Variants in FUT8 observed in about 807,000 individuals in gnomAD.
The protein encoded by FUT8 is fucosyltransferase 8.
A neutral mutation model predicts 71.3 loss-of-function variants in FUT8; 29 were observed. The observed-to-expected ratio is 0.41, with a 90% confidence interval of 0.30 to 0.55. FUT8 has a LOEUF of 0.55. Ranked by LOEUF, FUT8 falls within the 20% of genes least tolerant of loss-of-function variation. The probability of loss-of-function intolerance (pLI) is 0.34; values close to 1 mark genes in which losing one functional copy is unlikely to be tolerated. For missense variants in FUT8, 544 were observed against 702.1 expected (o/e 0.77, Z 2.55); for synonymous variants, 254 against 239.3 (o/e 1.06, Z -0.57).
At chr14:65,639,418 A>G (rs1890724669) in intron 6 of FUT8, among the ~76,000 whole-genome samples, 1 of 152,084 alleles carries the variant, frequency 6.6e-6, no homozygotes, top group South Asian at 2.1e-4. Context: ...TGCTGGTGAT[A>G]TAGTCATAAA....
chr14:65,417,213 C>A (rs1054230374), intron 1 of FUT8, among the ~76,000 whole-genome samples: 3 of 152,124 alleles, frequency 2.0e-5, no homozygotes, highest in Non-Finnish European at 4.4e-5. Flanking sequence ...CCTTGGCCTC[C>A]CACAGGCGTG....
At chr14:65,583,007 G>A (rs377586282) in intron 3 of FUT8, among the ~76,000 whole-genome samples, 17 of 152,030 alleles carry the variant, frequency 1.1e-4, no homozygotes, top group African/African-American at 4.1e-4. Flanking sequence ...GGAATTAAGG[G>A]CTGTATTTTA....
At chr14:65,533,266 A>G (rs918561008) in intron 2 of FUT8, among the ~76,000 whole-genome samples, 1 of 152,148 alleles carries the variant, frequency 6.6e-6, no homozygotes, top group African/African-American at 2.4e-5. Flanking sequence ...AATTTTAATG[A>G]CATTGATTTT....
intron 3 of FUT8, among the ~76,000 whole-genome samples, chr14:65,606,271 G>A (rs1888583369): frequency 6.6e-6 from 1 of 150,924 alleles, no homozygotes; most frequent in Admixed American, 6.6e-5. Context: ...TAGAGACGGG[G>A]TTTCACTGTG....
chr14:65,617,274 T>C, intron 5 of FUT8: 3 of 1,374,028 alleles, frequency 2.2e-6, no homozygotes, highest in African/African-American at 1.5e-5. Context: ...GGTGAAATTA[T>C]AAATAAAAAT....
chr14:65,366,718 C>T, the FUT8 span, among the ~76,000 whole-genome samples: 1 of 152,182 alleles, frequency 6.6e-6, no homozygotes, highest in Non-Finnish European at 1.5e-5. Context: ...TGGGAAATGA[C>T]TCCTGCCCCT....
At chr14:65,742,005 A>C in intron 10 of FUT8, 88 bp from the exon 11 acceptor site, 4 of 1,055,738 alleles carry the variant, frequency 3.8e-6, no homozygotes, top group Non-Finnish European at 5.6e-6. Flanking sequence ...TCTTACTCCT[A>C]GAGCCCATCC....
Position 65,742,501 on chromosome 14 carries a change from A to G in FUT8, c.*91A>G, listed in dbSNP as rs185585398. 2.0e-5 allele frequency: 21 copies of G among 1,075,498 alleles called. No homozygotes were observed. The Admixed American group carries it at 4.9e-4, about 25-fold the overall frequency. 66.6% of individuals were successfully genotyped at this position (1,075,498 alleles called of 1,614,324 possible). ...CAAACTGTAGATGAAGAGGGCTCTG[A>G]TCTAACAAAATAAGGTTATATGAGT... On this transcript the variant is annotated 3_prime_UTR_variant, in exon 11 of 11. Transcript: ENST00000673929.
At position 65,699,670 on chromosome 14, in the gene FUT8, C is replaced by G. The variant is rs536088934; in HGVS notation, c.836-22105C>G. Among the ~76,000 whole-genome samples, 8 of 152,284 alleles carry G rather than the reference C, an allele frequency of 5.3e-5. No homozygotes were observed. In the South Asian group the frequency reaches 1.2e-3, roughly 24 times the overall value. On this transcript the variant is annotated intron_variant, in intron 7 of 10. Transcript: ENST00000673929. The stretch of plus-strand genomic sequence containing the variant: ...TGCAGATTTCTCATTGCGGGAAGAT[C>G]AGTTATACTTTCTGCTCTTCATCTC...
chr14:65,512,314 C>T (rs1882401598), intron 2 of FUT8, among the ~76,000 whole-genome samples: 3 of 152,080 alleles, frequency 2.0e-5, no homozygotes, highest in South Asian at 4.2e-4. Context: ...TACAGATGTG[C>T]ACCACCATGC....
chr14:65,549,390 C>G (rs1214413773), intron 2 of FUT8, among the ~76,000 whole-genome samples: 2 of 151,724 alleles, frequency 1.3e-5, no homozygotes, highest in African/African-American at 4.8e-5. Flanking sequence ...TTAGAAGCCC[C>G]CTGCATTTCT....
intron 7 of FUT8, among the ~76,000 whole-genome samples, chr14:65,674,967 C>T (rs1326992109): frequency 1.3e-5 from 2 of 152,160 alleles, no homozygotes; most frequent in African/African-American, 4.8e-5. Flanking sequence ...ACTTTTGATT[C>T]AACTGCTATA....
intron 3 of FUT8, among the ~76,000 whole-genome samples, chr14:65,599,351 C>T (rs890004404): frequency 1.3e-5 from 2 of 152,200 alleles, no homozygotes; most frequent in Non-Finnish European, 2.9e-5. Context: ...CAGTGGTTCA[C>T]CTCTTCTTCA....
rs527589244 is a variant in FUT8, at chr14:65,722,060, G to A, written c.1082+39G>A. ...TTTTTCCCTCAAACTGTGATATGTA[G>A]TAGTTAGGGTTATGTATCTTTACAA... On this transcript the variant is annotated intron_variant, in intron 8 of 10. Transcript: ENST00000673929. 7.1e-5 allele frequency: 114 copies of A among 1,602,502 alleles called. 1 individual carries two copies. The South Asian group carries it at 1.1e-3, about 15-fold the overall frequency.
rs1555376255 is a variant in FUT8, at chr14:65,618,051, A to ATGTATG, written c.482+1679_482+1680insGTATGT. On this transcript the variant is annotated intron_variant, in intron 5 of 10. Coordinates refer to ENST00000673929, the MANE Select transcript of FUT8 (RefSeq NM_001371533.1). ...TATATATATATATATATATATATATATATGTATGTATATATTTATTTATTT... is the reference window on the plus strand; with the variant it reads ...TATATATATATATATATATATATATATGTATGTATGTATGTATATATTTATTTATTT... 4.9e-3 allele frequency among the ~76,000 whole-genome samples: 415 copies of ATGTATG among 83,948 alleles called. 2 individuals are homozygous for ATGTATG. The highest frequency in any genetic ancestry group is 0.011 in the African/African-American group (282 of 25,342). 55.1% of individuals were successfully genotyped at this position (83,948 alleles called of 152,430 possible). A position where few individuals can be genotyped will look rare whatever the true frequency, so the allele number is the denominator to read the frequency against.
intron 2 of FUT8, among the ~76,000 whole-genome samples, chr14:65,511,584 A>G (rs1882350841): frequency 1.3e-5 from 2 of 152,136 alleles, no homozygotes; most frequent in Admixed American, 1.3e-4. Flanking sequence ...TGTTGGGTGC[A>G]TATATATTAA....
rs773674064 is a variant in FUT8 at position 65,643,522 on chromosome 14, CG to C, written c.597+13919del. On this transcript the variant is annotated intron_variant, in intron 6 of 10. Coordinates refer to ENST00000673929, the MANE Select transcript of FUT8 (RefSeq NM_001371533.1). The surrounding 1 kb of genome is among the most constrained non-coding windows in gnomAD (Gnocchi z 4.5). ...ACAAAAGATTAGCCGGGCGTGGTGG[CG>C]GGCACCTGTAGTCTCAGCTACTCAG... is the stretch of plus-strand genomic sequence containing the variant. Among the ~76,000 whole-genome samples the C allele has an allele frequency of 1.1e-3, 163 of 151,852 alleles. No homozygotes were observed. In the Middle Eastern group the frequency reaches 0.024, roughly 22 times the overall value.
the FUT8 span, among the ~76,000 whole-genome samples, chr14:65,380,676 G>C: frequency 7.3e-3 from 1,115 of 152,244 alleles, 11 homozygotes; most frequent in African/African-American, 0.025. Context: ...GTCCTCCAAG[G>C]CTCTTTCAGG....
chr14:65,691,353 C>G (rs918291404), intron 7 of FUT8, among the ~76,000 whole-genome samples: 10 of 151,178 alleles, frequency 6.6e-5, no homozygotes, highest in African/African-American at 2.2e-4. Flanking sequence ...AAGAAGGTAT[C>G]AAGTTTCTCA....
Sources: gnomAD v4.1 joint callset for allele counts (sites outside exome capture counted in the v4.1 genomes callset) on GRCh38, gnomAD v4.1.1 for gene constraint, Gnocchi (gnomAD v3.1) non-coding constraint, MANE v1.5 for transcripts, NCBI Gene and HGNC (gene_info 2026-07-23, HGNC 2026-07-21) for gene names.